LAMA4: variants seen among roughly 807,000 people sequenced by gnomAD.
LAMA4 encodes laminin subunit alpha 4.
In LAMA4, 127 loss-of-function variants were observed where a neutral mutation model predicts 207.1. That is an observed-to-expected ratio of 0.61 (90% CI 0.53 to 0.71). The LOEUF (loss-of-function observed/expected upper bound fraction) is 0.71. Among genes scored for constraint, LAMA4 ranks in the 30% least tolerant of loss-of-function variants. The pLI, the probability that LAMA4 is intolerant of heterozygous loss-of-function variation, is 0.00. For missense variants in LAMA4, 2,093 were observed against 2,246.5 expected (o/e 0.93, Z 1.38); for synonymous variants, 761 against 816.0 (o/e 0.93, Z 1.15).
rs9320399 is a variant in LAMA4 at position 112,226,357 on chromosome 6, C to A, written c.196-9888G>T. Among the ~76,000 whole-genome samples, 538 of 152,282 alleles carry A rather than the reference C, an allele frequency of 3.5e-3. 3 individuals are homozygous for A. The highest frequency in any genetic ancestry group is 0.012 in the African/African-American group (519 of 41,554). On this transcript the variant is annotated intron_variant, in intron 2 of 38. Coordinates refer to ENST00000230538, the MANE Select transcript of LAMA4 (RefSeq NM_001105206.3). ...AACCTTGGCTCCCTCTGCTCTAATG[C>A]AATCACATACCCCACAACCCTCATG...
chr6:112,191,766 G>A lies in LAMA4; in HGVS notation c.588C>T (p.Asn196=), dbSNP rs1562716288. The A allele has an allele frequency of 6.2e-7, 1 of 1,614,012 alleles. No homozygotes were observed. The stretch of plus-strand genomic sequence containing the variant: ...CTTCATCACAATCTTCAAAGATCAG[G>A]TTGGGATCTGAATTTCCACTGCAGT... ...KCDCSGNSDP[N]LIFEDCDEVT... is the part of the protein sequence containing the mutation. Residue 196 remains asparagine (N), a synonymous_variant, in exon 6 of 39, where the codon AAC becomes AAT. Transcript: ENST00000230538.
chr6:112,224,618 C>T (rs6900576), intron 2 of LAMA4, among the ~76,000 whole-genome samples: 1 of 151,844 alleles, frequency 6.6e-6, no homozygotes, highest in Non-Finnish European at 1.5e-5. Context: ...GAGTTTGAGA[C>T]CAGCCTGGCC....
chr6:112,136,040 G>T, intron 25 of LAMA4, 83 bp downstream of exon 25: 1 of 1,237,542 alleles, frequency 8.1e-7, no homozygotes, highest in Non-Finnish European at 1.2e-6. Flanking sequence ...CATCCTGCCT[G>T]TCTCATTTGA....
At chr6:112,187,133 T>C (rs1782732353) in intron 8 of LAMA4, among the ~76,000 whole-genome samples, 1 of 152,236 alleles carries the variant, frequency 6.6e-6, no homozygotes, top group Non-Finnish European at 1.5e-5. Context: ...ACAAGTAATG[T>C]ATGGCTGCGC....
Position 112,117,834 on chromosome 6 carries a change from GTGA to G in LAMA4, c.4883_4885del (p.Ile1628del). Reference sequence around the variant, plus strand: ...CACACTGAATGTCTGAGAAGCAGAGGTGATGGAGGCCCCATTGAGCTGGAGATT... The same window carrying G: ...CACACTGAATGTCTGAGAAGCAGAGGTGGAGGCCCCATTGAGCTGGAGATT... On this transcript the variant is annotated inframe_deletion, in exon 35 of 39. Transcript: ENST00000230538. This position sits in a 1 kb window ranked among gnomAD's most constrained non-coding sequence, Gnocchi z 4.5. 1 of 1,613,774 alleles carries G rather than the reference GTGA, an allele frequency of 6.2e-7. No homozygotes were observed. The highest frequency in any genetic ancestry group is 8.5e-7 in the Non-Finnish European group (1 of 1,179,714).
intron 12 of LAMA4, among the ~76,000 whole-genome samples, chr6:112,167,130 C>T (rs894412497): frequency 3.3e-5 from 5 of 152,168 alleles, no homozygotes; most frequent in Non-Finnish European, 7.3e-5. Flanking sequence ...TGGTACATGT[C>T]AAAATGATTA....
At chr6:112,207,756 A>G (rs1364659929) in intron 3 of LAMA4, among the ~76,000 whole-genome samples, 1 of 152,136 alleles carries the variant, frequency 6.6e-6, no homozygotes, top group African/African-American at 2.4e-5. Context: ...TAAAGATTAT[A>G]GGAGTAAAAG....
intron 2 of LAMA4, among the ~76,000 whole-genome samples, chr6:112,240,272 T>C (rs1290216166): frequency 6.6e-6 from 1 of 152,134 alleles, no homozygotes; most frequent in Non-Finnish European, 1.5e-5. Context: ...TTTAAAATTG[T>C]TGTGGGTAAA....
chr6:112,146,172 C>T (rs1189883989), intron 18 of LAMA4, among the ~76,000 whole-genome samples: 1 of 152,074 alleles, frequency 6.6e-6, no homozygotes, highest in Non-Finnish European at 1.5e-5. Flanking sequence ...CGCCTGTAAT[C>T]CCAGCTACTC....
intron 2 of LAMA4, 176 bp from the exon 3 acceptor site, chr6:112,216,645 AT>A: frequency 1.6e-6 from 1 of 632,270 alleles, no homozygotes; most frequent in Non-Finnish European, 2.9e-6. Flanking sequence ...CCATTCAGTG[AT>A]AGATGATGTA....
intron 9 of LAMA4, among the ~76,000 whole-genome samples, chr6:112,183,479 A>G (rs1782485274): frequency 6.6e-6 from 1 of 152,088 alleles, no homozygotes; most frequent in Non-Finnish European, 1.5e-5. Flanking sequence ...AGCCTTTTCT[A>G]CTGTGATGTT....
chr6:112,194,604 G>A (rs1783305873), intron 5 of LAMA4, among the ~76,000 whole-genome samples: 1 of 152,300 alleles, frequency 6.6e-6, no homozygotes, highest in African/African-American at 2.4e-5. Flanking sequence ...AAGAAAGCTA[G>A]AAGGCAGAGA....
intron 3 of LAMA4, among the ~76,000 whole-genome samples, chr6:112,211,825 A>G (rs569574991): frequency 1.3e-5 from 2 of 152,036 alleles, no homozygotes; most frequent in Admixed American, 6.5e-5. Flanking sequence ...TGGAGGAGAA[A>G]CTCCTGGAGG....
At chr6:112,246,020 G>A (rs1786892294) in intron 2 of LAMA4, among the ~76,000 whole-genome samples, 1 of 152,136 alleles carries the variant, frequency 6.6e-6, no homozygotes, top group South Asian at 2.1e-4. Flanking sequence ...CAGATTCAGA[G>A]CCGAACTGCT....
chr6:112,200,682 C>T (rs748076359), intron 5 of LAMA4, among the ~76,000 whole-genome samples: 1 of 152,156 alleles, frequency 6.6e-6, no homozygotes, highest in African/African-American at 2.4e-5. Flanking sequence ...CACATATACA[C>T]CATGGAATAC....
intron 14 of LAMA4, 116 bp downstream of exon 14, chr6:112,158,616 C>T (rs1780866481): frequency 9.2e-7 from 1 of 1,083,836 alleles, no homozygotes; most frequent in African/African-American, 1.6e-5. Context: ...CATAAGCATA[C>T]CCAACCTTAA....
chr6:112,131,565 A>G (rs1779034567), intron 28 of LAMA4, among the ~76,000 whole-genome samples: 1 of 152,024 alleles, frequency 6.6e-6, no homozygotes, highest in Non-Finnish European at 1.5e-5. Flanking sequence ...TCTTATCTGA[A>G]TTTGCTTATT....
At chr6:112,202,440 A>C (rs112041077) in intron 4 of LAMA4, among the ~76,000 whole-genome samples, 1 of 140,876 alleles carries the variant, frequency 7.1e-6, no homozygotes, top group African/African-American at 3.0e-5. Flanking sequence ...TGTGGGGCAT[A>C]GGGGTGTGTG....
Position 112,132,753 on chromosome 6 carries a change from C to G in LAMA4, c.3834G>C (p.Gly1278=), listed in dbSNP as rs141988342. The change falls in exon 28 of 39, where the codon GGG becomes GGC. Residue 1278 remains glycine, a splice_region_variant and synonymous_variant. Coordinates refer to ENST00000230538, the MANE Select transcript of LAMA4 (RefSeq NM_001105206.3). ...TCCTCAGAGAAAAACAAACACTTACCCCTGAAGCATAATAGAATAGTAACC... is the reference window on the plus strand; with the variant it reads ...TCCTCAGAGAAAAACAAACACTTACGCCTGAAGCATAATAGAATAGTAACC... The part of the protein sequence containing the change: ...PNGLLFYYAS[G]SDVFSISLDN... 1.2e-6 allele frequency: 2 copies of G among 1,612,450 alleles called. No individual in the cohort carries two copies. Among genetic ancestry groups the G allele is most frequent in the Non-Finnish European group, 1.7e-6 (2 of 1,179,000 alleles).
Sources: allele counts gnomAD v4.1 joint callset (sites outside exome capture counted in the v4.1 genomes callset), GRCh38; gene constraint gnomAD v4.1.1; non-coding constraint Gnocchi (gnomAD v3.1); transcripts MANE v1.5; gene names NCBI Gene and HGNC (gene_info 2026-07-23, HGNC 2026-07-21).